SSBP3: variants seen among roughly 807,000 people sequenced by gnomAD.
The protein encoded by SSBP3 is single-stranded DNA-binding protein 3.
Under a neutral mutation model 69.6 loss-of-function variants are expected in SSBP3, and 5 were observed. That is an observed-to-expected ratio of 0.07 (90% CI 0.04 to 0.15). SSBP3 has a LOEUF of 0.15. SSBP3 is among the 10% of genes least tolerant of loss of function. SSBP3 has a pLI of 1.00. For synonymous variants in SSBP3, 196 were observed against 193.4 expected (o/e 1.01, Z -0.11); for missense variants, 312 against 534.0 (o/e 0.58, Z 4.10).
intron 4 of SSBP3, among the ~76,000 whole-genome samples, chr1:54,301,691 T>G (rs1293713952): frequency 1.3e-5 from 2 of 152,134 alleles, no homozygotes; most frequent in Non-Finnish European, 2.9e-5. Context: ...CAAACAGAAC[T>G]AATCCATTCA....
In SSBP3 at chr1:54,241,938, T is replaced by C. The variant is rs674664; in HGVS notation, c.765+226A>G. On this transcript the variant is annotated intron_variant, in intron 11 of 17. Transcript: ENST00000610401. ...TGAGCCCAGGTTCTCAGCTTACTCC[T>C]TAGAGGAGTGGGCTGGCTGGGCAGG... 3.6e-3 allele frequency among the ~76,000 whole-genome samples: 554 copies of C among 152,290 alleles called. 7 individuals carry two copies. Among genetic ancestry groups the C allele is most frequent in the African/African-American group, 0.013 (524 of 41,558 alleles).
chr1:54,351,848 G>A (rs1458019129), intron 4 of SSBP3, among the ~76,000 whole-genome samples: 2 of 152,136 alleles, frequency 1.3e-5, no homozygotes, highest in Non-Finnish European at 2.9e-5. Flanking sequence ...ACTCGATCTG[G>A]CCCAGCTCAG....
chr1:54,241,617 C>A, intron 11 of SSBP3, 108 bp from the exon 12 acceptor site: 1 of 1,225,174 alleles, frequency 8.2e-7, no homozygotes, highest in East Asian at 2.4e-5. Context: ...CATCGCCACC[C>A]AGTGAGCTGG....
intron 5 of SSBP3, among the ~76,000 whole-genome samples, chr1:54,259,289 AT>A (rs1476103149): frequency 6.6e-6 from 1 of 152,166 alleles, no homozygotes; most frequent in African/African-American, 2.4e-5. Context: ...ATCCGAGGTA[AT>A]AAAAAAAAAA....
At chr1:54,395,539 G>C (rs1648801959) in intron 4 of SSBP3, among the ~76,000 whole-genome samples, 1 of 152,210 alleles carries the variant, frequency 6.6e-6, no homozygotes, top group African/African-American at 2.4e-5. Context: ...TCTGCCCCTT[G>C]AGGGGGTGCA....
At chr1:54,371,775 A>C (rs938090128) in intron 4 of SSBP3, among the ~76,000 whole-genome samples, 1 of 152,196 alleles carries the variant, frequency 6.6e-6, no homozygotes, top group African/African-American at 2.4e-5. Context: ...CAAAGCTGAC[A>C]GGCTCCTGGC....
intron 4 of SSBP3, among the ~76,000 whole-genome samples, chr1:54,351,098 A>C (rs1306748806): frequency 6.6e-6 from 1 of 152,220 alleles, no homozygotes; most frequent in Non-Finnish European, 1.5e-5. Context: ...AAGTGCTGGC[A>C]TAACAAGTGT....
At chr1:54,320,814 G>T (rs1413241727) in intron 4 of SSBP3, among the ~76,000 whole-genome samples, 3 of 152,178 alleles carry the variant, frequency 2.0e-5, no homozygotes, top group Non-Finnish European at 4.4e-5. Flanking sequence ...AGCTTCTGGG[G>T]CTTTCTCGGA....
intron 4 of SSBP3, chr1:54,325,421 G>A (rs968286875): frequency 1.2e-5 from 2 of 167,190 alleles, no homozygotes; most frequent in African/African-American, 2.4e-5. Context: ...ATCTACAGAC[G>A]TGGCTGAATG....
At chr1:54,307,562 C>G (rs2100241303) in intron 4 of SSBP3, among the ~76,000 whole-genome samples, 1 of 152,344 alleles carries the variant, frequency 6.6e-6, no homozygotes, top group South Asian at 2.1e-4. Flanking sequence ...GCAACTCCAT[C>G]TTGAAAAGGA....
chr1:54,328,041 T>C (rs12563483), intron 4 of SSBP3, among the ~76,000 whole-genome samples: 14,052 of 152,146 alleles, frequency 0.092, 1,625 homozygotes, highest in East Asian at 0.3. Context: ...AAATGGTTGA[T>C]AGGGAAGAGG....
intron 4 of SSBP3, among the ~76,000 whole-genome samples, chr1:54,296,676 A>T (rs1329370640): frequency 6.6e-6 from 1 of 152,186 alleles, no homozygotes. Flanking sequence ...ACGACTTGTG[A>T]GGGTCAAGTT....
chr1:54,340,476 G>A (rs1194681160), intron 4 of SSBP3, among the ~76,000 whole-genome samples: 1 of 152,240 alleles, frequency 6.6e-6, no homozygotes, highest in African/African-American at 2.4e-5. Flanking sequence ...GTCCAGGGGT[G>A]GCAGGGAGGG....
intron 4 of SSBP3, among the ~76,000 whole-genome samples, chr1:54,349,328 G>A (rs1279419683): frequency 6.6e-6 from 1 of 152,212 alleles, no homozygotes; most frequent in Non-Finnish European, 1.5e-5. Context: ...CTACAGCGGT[G>A]CCTGGCACAC....
At chr1:54,301,340 C>T (rs1275367901) in intron 4 of SSBP3, among the ~76,000 whole-genome samples, 2 of 152,184 alleles carry the variant, frequency 1.3e-5, no homozygotes, top group Non-Finnish European at 2.9e-5. Flanking sequence ...AACTTTGGTT[C>T]AACAGCACAA....
intron 4 of SSBP3, among the ~76,000 whole-genome samples, chr1:54,332,919 C>T (rs903324540): frequency 1.3e-5 from 2 of 151,108 alleles, no homozygotes; most frequent in African/African-American, 4.8e-5. Context: ...AACATGCACG[C>T]ACACACACGC....
At chr1:54,290,995 T>C (rs538829676) in intron 4 of SSBP3, among the ~76,000 whole-genome samples, 1 of 152,244 alleles carries the variant, frequency 6.6e-6, no homozygotes, top group South Asian at 2.1e-4. Flanking sequence ...AAACATGTCA[T>C]AGTAGGCCAG....
chr1:54,226,832 G>T, exon 18 of SSBP3: 1 of 400,734 alleles, frequency 2.5e-6, no homozygotes. Flanking sequence ...AAAGTGTCAT[G>T]TACAGAAAAG....
chr1:54,406,925 C>G (rs907741967), upstream of SSBP3, among the ~76,000 whole-genome samples: 7 of 151,794 alleles, frequency 4.6e-5, no homozygotes, highest in Non-Finnish European at 7.4e-5. Flanking sequence ...GCTCCGACCC[C>G]GACCCCCTCC....
Sources: allele counts gnomAD v4.1 joint callset (sites outside exome capture counted in the v4.1 genomes callset), GRCh38; gene constraint gnomAD v4.1.1; transcripts MANE v1.5; gene names NCBI Gene and HGNC (gene_info 2026-07-23, HGNC 2026-07-21).